CTNNA3: variants seen among roughly 807,000 people sequenced by gnomAD.
The protein encoded by CTNNA3 is catenin alpha 3.
A neutral mutation model predicts 95.7 loss-of-function variants in CTNNA3; 76 were observed. That is an observed-to-expected ratio of 0.79 (90% CI 0.66 to 0.96). CTNNA3 has a LOEUF of 0.96. Ranked by LOEUF, CTNNA3 falls within the 40% of genes least tolerant of loss-of-function variation. CTNNA3 has a pLI of 0.00. For missense variants in CTNNA3, 1,191 were observed against 1,089.8 expected, an observed-to-expected ratio of 1.09 and a Z score of -1.31; for synonymous variants, 431 against 374.4, an observed-to-expected ratio of 1.15 and a Z score of -1.74.
At chr10:66,925,000 T>C (rs1846989517) in intron 7 of CTNNA3, among the ~76,000 whole-genome samples, 1 of 152,180 alleles carries the variant, frequency 6.6e-6, no homozygotes, top group African/African-American at 2.4e-5. Context: ...AAAAGAAATT[T>C]AGGCAATTCT....
chr10:65,941,074 A>G (rs1438301360), intron 17 of CTNNA3, among the ~76,000 whole-genome samples: 1 of 152,248 alleles, frequency 6.6e-6, no homozygotes, highest in Non-Finnish European at 1.5e-5. Context: ...AAACCTTGCA[A>G]GCCAATATTT....
At chr10:67,029,779 T>C (rs925427504) in intron 7 of CTNNA3, among the ~76,000 whole-genome samples, 1 of 152,316 alleles carries the variant, frequency 6.6e-6, no homozygotes, top group Non-Finnish European at 1.5e-5. Flanking sequence ...TGATGTCCAA[T>C]AGGGTAGCCA....
intron 7 of CTNNA3, among the ~76,000 whole-genome samples, chr10:66,944,318 C>G (rs1485148494): frequency 6.6e-6 from 1 of 152,182 alleles, no homozygotes; most frequent in Non-Finnish European, 1.5e-5. Context: ...CCATAAGCAG[C>G]AACTCCTCAT....
At chr10:67,625,143 A>G (rs1367209580) in intron 2 of CTNNA3, among the ~76,000 whole-genome samples, 1 of 152,126 alleles carries the variant, frequency 6.6e-6, no homozygotes, top group Non-Finnish European at 1.5e-5. Flanking sequence ...TAAGCAGCAC[A>G]CTCTGTTCCA....
intron 7 of CTNNA3, among the ~76,000 whole-genome samples, chr10:66,834,972 G>A (rs7916501): frequency 0.29 from 44,496 of 152,052 alleles, 8,007 homozygotes; most frequent in African/African-American, 0.48. Context: ...ATTATCTGAT[G>A]GCAGTTAAAG....
rs562193558 is a variant in CTNNA3 at position 66,549,093 on chromosome 10, A to G, written c.1375-28320T>C. Among the ~76,000 whole-genome samples, 18 of 143,198 alleles carry G rather than the reference A, an allele frequency of 1.3e-4. No homozygotes were observed. The East Asian group carries it at 3.6e-3, about 29-fold the overall frequency. The allele number at this position is 143,198 out of a possible 152,430, so 93.9% of individuals were successfully genotyped here. ...AAGCTCCGGTTCCCGGGTTGACGCC[A>G]TTCTCCTACCTCAGCCTCCCAAGTA... On this transcript the variant is annotated intron_variant, in intron 10 of 17. Transcript: ENST00000433211.
intron 6 of CTNNA3, among the ~76,000 whole-genome samples, chr10:67,218,360 T>A (rs963799133): frequency 3.3e-5 from 5 of 152,186 alleles, no homozygotes; most frequent in Admixed American, 3.3e-4. Context: ...CTAAAGGTCA[T>A]ACCCTTCCCA....
chr10:66,145,341 T>A lies in CTNNA3; in HGVS notation c.1885-42092A>T, dbSNP rs550498763. 2.0e-3 allele frequency among the ~76,000 whole-genome samples: 304 copies of A among 151,772 alleles called. 1 individual carries two copies. Among genetic ancestry groups the A allele is most frequent in the African/African-American group, 6.9e-3 (284 of 41,380 alleles). ...CATATCATGTACAGGTAAACTAGAG[T>A]GGAATAGAGAAAGCCTACAGATATG... On this transcript the variant is annotated intron_variant, in intron 13 of 17. Transcript: ENST00000433211.
chr10:65,960,085 A>G (rs2077812034), intron 17 of CTNNA3, among the ~76,000 whole-genome samples: 1 of 152,236 alleles, frequency 6.6e-6, no homozygotes, highest in South Asian at 2.1e-4. Flanking sequence ...ACTTGAATAG[A>G]GTGCTCATAT....
intron 10 of CTNNA3, among the ~76,000 whole-genome samples, chr10:66,545,585 C>A (rs1015910460): frequency 6.6e-6 from 1 of 152,010 alleles, no homozygotes; most frequent in Non-Finnish European, 1.5e-5. Flanking sequence ...AGTGTATTAA[C>A]TTTTCATTTC....
intron 13 of CTNNA3, among the ~76,000 whole-genome samples, chr10:66,256,815 A>T (rs1239874194): frequency 6.6e-6 from 1 of 152,198 alleles, no homozygotes. Flanking sequence ...TTAACTAATA[A>T]ACCCAGGGCT....
At chr10:67,346,619 G>A in intron 5 of CTNNA3, 1 of 448,038 alleles carries the variant, frequency 2.2e-6, no homozygotes, top group South Asian at 1.6e-5. Context: ...ATATGGACAA[G>A]TAGAAAATAT....
intron 16 of CTNNA3, among the ~76,000 whole-genome samples, chr10:65,970,186 A>G (rs928700437): frequency 1.3e-5 from 2 of 152,132 alleles, no homozygotes; most frequent in African/African-American, 4.8e-5. Context: ...AAGCTTTATC[A>G]CTGAAAGAGA....
chr10:67,012,607 G>A lies in CTNNA3; in HGVS notation c.1047+167710C>T, dbSNP rs574131546. On this transcript the variant is annotated intron_variant, in intron 7 of 17. Transcript: ENST00000433211. ...ACTTGCTTGTCTTCAGGAACCCTAC[G>A]AAGATAAAAATTATCACAATTTATA... Among the ~76,000 whole-genome samples, 4 of 152,058 alleles carry A rather than the reference G, an allele frequency of 2.6e-5. No homozygotes were observed. In the East Asian group the frequency reaches 5.8e-4, roughly 22 times the overall value.
chr10:67,112,612 C>A (rs61866862), intron 7 of CTNNA3, among the ~76,000 whole-genome samples: 3 of 134,384 alleles, frequency 2.2e-5, no homozygotes, highest in African/African-American at 3.2e-5. Context: ...AGACTTCATT[C>A]GTTTTTCATT....
intron 13 of CTNNA3, among the ~76,000 whole-genome samples, chr10:66,149,610 G>T (rs937091082): frequency 1.8e-5 from 2 of 110,230 alleles, no homozygotes; most frequent in African/African-American, 5.3e-5. Context: ...TTAAAATAAA[G>T]TATTCTTGAT....
At chr10:67,680,067 T>A (rs1466416874) in intron 1 of CTNNA3, among the ~76,000 whole-genome samples, 3 of 152,180 alleles carry the variant, frequency 2.0e-5, no homozygotes, top group African/African-American at 7.2e-5. Flanking sequence ...ATATATAGAA[T>A]CTAATTGGAT....
At chr10:66,435,467 T>C (rs2093330333) in intron 11 of CTNNA3, among the ~76,000 whole-genome samples, 1 of 152,092 alleles carries the variant, frequency 6.6e-6, no homozygotes, top group African/African-American at 2.4e-5. Flanking sequence ...GATGGTAGTT[T>C]GTATTTCTAT....
chr10:66,395,228 T>C (rs1050546527), intron 11 of CTNNA3, among the ~76,000 whole-genome samples: 3 of 152,060 alleles, frequency 2.0e-5, no homozygotes, highest in Admixed American at 6.6e-5. Context: ...TTTTCTCTTA[T>C]ATTTTGCTCA....
Sources: allele counts gnomAD v4.1 joint callset (sites outside exome capture counted in the v4.1 genomes callset), GRCh38; gene constraint gnomAD v4.1.1; transcripts MANE v1.5; gene names NCBI Gene and HGNC (gene_info 2026-07-23, HGNC 2026-07-21).